Variants in KMO observed in about 807,000 individuals in gnomAD.
KMO encodes kynurenine 3-hydroxylase.
A neutral mutation model predicts 57.8 loss-of-function variants in KMO; 24 were observed. The observed-to-expected ratio is 0.42, with a 90% CI of 0.30 to 0.58. KMO has a LOEUF of 0.58. Ranked by LOEUF, KMO falls within the 20% of genes least tolerant of loss-of-function variation. The pLI is 0.22. For missense variants in KMO, 483 were observed against 588.2 expected (o/e 0.82, Z 1.85); for synonymous variants, 210 against 193.6 (o/e 1.08, Z -0.70).
intron 10 of KMO, among the ~76,000 whole-genome samples, chr1:241,573,493 G>A (rs566498025): frequency 6.6e-6 from 1 of 152,140 alleles, no homozygotes; most frequent in East Asian, 1.9e-4. Flanking sequence ...TTCTACATGT[G>A]GCTATCCAGT....
Position 241,587,738 on chromosome 1 carries a change from C to T in KMO, c.1015+1002C>T, listed in dbSNP as rs542520907. ...GGATTATAGGCGTGAGCCACCATGC[C>T]CGGCATAAATTCCTTTTTTTTTTTT... On this transcript the variant is annotated intron_variant, in intron 11 of 14. Coordinates refer to ENST00000366559, the MANE Select transcript of KMO (RefSeq NM_003679.5). Among the ~76,000 whole-genome samples, 17 of 151,222 alleles carry T rather than the reference C, an allele frequency of 1.1e-4. No individual in the cohort carries two copies. In the South Asian group the frequency reaches 2.5e-3, roughly 22 times the overall value.
chr1:241,546,833 A>G (rs1016480321), intron 1 of KMO, among the ~76,000 whole-genome samples: 1 of 152,234 alleles, frequency 6.6e-6, no homozygotes, highest in African/African-American at 2.4e-5. Context: ...AGATCTGGAT[A>G]GGAAATATAC....
Position 241,592,474 on chromosome 1 carries a change from C to A in KMO, c.*321C>A. ...AGGGAAGACAGTAATCATGCCTTTT[C>A]TTTAAAAGACACAATAGGACTCGCA... On this transcript the variant is annotated 3_prime_UTR_variant, in exon 15 of 15. Transcript: ENST00000366559. 3.2e-6 allele frequency: 1 copy of A among 312,648 alleles called. No homozygotes were observed. Among genetic ancestry groups the A allele is most frequent in the Non-Finnish European group, 6.1e-6 (1 of 164,650 alleles). 19.4% of individuals were successfully genotyped at this position (312,648 alleles called of 1,614,324 possible).
intron 4 of KMO, among the ~76,000 whole-genome samples, chr1:241,554,516 A>G (rs1175330482): frequency 6.6e-6 from 1 of 151,876 alleles, no homozygotes; most frequent in Non-Finnish European, 1.5e-5. Flanking sequence ...TCAAGTGATC[A>G]GCTTGCCTCA....
intron 4 of KMO, among the ~76,000 whole-genome samples, chr1:241,554,866 C>T (rs1661553101): frequency 6.6e-6 from 1 of 151,330 alleles, no homozygotes; most frequent in Non-Finnish European, 1.5e-5. Flanking sequence ...CCTGTAATCC[C>T]AGCTAGTTGG....
chr1:241,560,968 C>CTTG (rs1193584247), intron 6 of KMO, among the ~76,000 whole-genome samples: 1 of 152,178 alleles, frequency 6.6e-6, no homozygotes, highest in Non-Finnish European at 1.5e-5. Flanking sequence ...CACTTGCTCA[C>CTTG]CTTCCTACTG....
intron 10 of KMO, among the ~76,000 whole-genome samples, chr1:241,577,959 T>A (rs1662593212): frequency 6.6e-6 from 1 of 152,126 alleles, no homozygotes; most frequent in South Asian, 2.1e-4. Context: ...CCCAGATACA[T>A]CCCTGACCCA....
intron 1 of KMO, among the ~76,000 whole-genome samples, chr1:241,546,004 T>C (rs6661244): frequency 0.7 from 106,980 of 152,004 alleles, 38,006 homozygotes; most frequent in African/African-American, 0.79. Flanking sequence ...AATCTGAGGC[T>C]TATGGTGATG....
chr1:241,589,905 C>A, intron 12 of KMO, 107 bp from the exon 13 acceptor site: 1 of 877,820 alleles, frequency 1.1e-6, no homozygotes, highest in Non-Finnish European at 1.9e-6. Flanking sequence ...TATTTGACTA[C>A]TTTGTGTTTG....
chr1:241,546,867 G>A (rs1307854525), intron 1 of KMO, among the ~76,000 whole-genome samples: 3 of 152,176 alleles, frequency 2.0e-5, no homozygotes, highest in African/African-American at 7.2e-5. Context: ...CATGGATGGA[G>A]AAGACAGACT....
At chr1:241,548,803 A>C (rs1433820409) in intron 1 of KMO, 26 bp from the exon 2 acceptor site, 2 of 1,422,164 alleles carry the variant, frequency 1.4e-6, no homozygotes, top group Non-Finnish European at 2.0e-6. Flanking sequence ...AATCAGATAA[A>C]TATTTAATTT....
intron 10 of KMO, among the ~76,000 whole-genome samples, chr1:241,576,610 T>C (rs555777236): frequency 6.6e-6 from 1 of 152,262 alleles, no homozygotes; most frequent in Non-Finnish European, 1.5e-5. Context: ...CTTGTAAGAT[T>C]TCTGCTGAGA....
intron 3 of KMO, 133 bp from the exon 4 acceptor site, chr1:241,550,822 G>T: frequency 1.9e-6 from 1 of 536,574 alleles, no homozygotes; most frequent in Admixed American, 3.3e-5. Flanking sequence ...ACCACGTTGG[G>T]CTTCTATGGT....
At chr1:241,572,102 T>C (rs181621978) in intron 10 of KMO, among the ~76,000 whole-genome samples, 205 of 152,160 alleles carry the variant, frequency 1.3e-3, no homozygotes, top group African/African-American at 4.8e-3. Flanking sequence ...CTTGACCTTG[T>C]GATCTGCCCA....
Position 241,590,186 on chromosome 1 carries a change from T to C in KMO, c.1201-18T>C, listed in dbSNP as rs1195166274. 6.2e-7 allele frequency: 1 copy of C among 1,612,398 alleles called. No individual in the cohort carries two copies. The highest frequency in any genetic ancestry group is 8.5e-7 in the Non-Finnish European group (1 of 1,179,100). On this transcript the variant is annotated intron_variant, in intron 13 of 14. Transcript: ENST00000366559. ...CTGTTAAAGAATACACAAGAATACT[T>C]TTTAAACTTCCCTGCAGGTCACTTT...
chr1:241,582,157 G>A (rs1020457050), intron 10 of KMO, among the ~76,000 whole-genome samples: 8 of 152,144 alleles, frequency 5.3e-5, no homozygotes, highest in African/African-American at 1.7e-4. Context: ...CTCCTTTTAT[G>A]TTATTTGCTT....
At chr1:241,552,254 T>C (rs2147951597) in intron 4 of KMO, among the ~76,000 whole-genome samples, 1 of 152,044 alleles carries the variant, frequency 6.6e-6, no homozygotes, top group East Asian at 1.9e-4. Flanking sequence ...AGTTCCCTTT[T>C]TGCGGCCTTC....
intron 14 of KMO, 23 bp downstream of exon 14, chr1:241,590,286 T>A (rs1244599583): frequency 6.4e-7 from 1 of 1,556,546 alleles, no homozygotes; most frequent in Admixed American, 1.7e-5. Flanking sequence ...ACATTTTATT[T>A]ATTTTTTAAT....
At chr1:241,573,994 A>G (rs1662408638) in intron 10 of KMO, among the ~76,000 whole-genome samples, 1 of 151,894 alleles carries the variant, frequency 6.6e-6, no homozygotes, top group African/African-American at 2.4e-5. Context: ...TCCTTGGTTA[A>G]GTATATTCCT....
Sources: allele counts gnomAD v4.1 joint callset (sites outside exome capture counted in the v4.1 genomes callset), GRCh38; gene constraint gnomAD v4.1.1; transcripts MANE v1.5; gene names NCBI Gene and HGNC (gene_info 2026-07-23, HGNC 2026-07-21).